ADAMTSL5: variants seen among roughly 807,000 people sequenced by gnomAD.
ADAMTSL5 encodes ADAMTS like 5.
Under a neutral mutation model 51.7 loss-of-function variants are expected in ADAMTSL5, and 53 were observed. That is an observed-to-expected ratio of 1.03 (90% CI 0.82 to 1.29). The LOEUF (loss-of-function observed/expected upper bound fraction) is 1.29. ADAMTSL5 is among the 50% of genes most tolerant of loss of function. The pLI, the probability that ADAMTSL5 is intolerant of heterozygous loss-of-function variation, is 0.00. For synonymous variants in ADAMTSL5, 285 were observed against 278.7 expected, an observed-to-expected ratio of 1.02 and a Z score of -0.23; for missense variants, 770 against 676.2, an observed-to-expected ratio of 1.14 and a Z score of -1.54.
chr19:1,505,689 C>T lies in ADAMTSL5; in HGVS notation c.*326G>A, dbSNP rs559372904. The T allele has an allele frequency of 2.2e-5, 6 of 270,306 alleles. No individual in the cohort carries two copies. The highest frequency in any genetic ancestry group is 4.2e-5 in the Non-Finnish European group (6 of 141,722). The allele number at this position is 270,306 out of a possible 1,614,324, so 16.7% of individuals were successfully genotyped here. ...GCTCGTTCATGACAGTGTCTCCAAG[C>T]AAGTGTGACGCGCGCAAAGAGAAAG... is the stretch of plus-strand genomic sequence containing the variant. On this transcript the variant is annotated 3_prime_UTR_variant, in exon 12 of 12. Transcript: ENST00000330475.
In ADAMTSL5 at chr19:1,508,487, A is replaced by G; in HGVS notation, c.445T>C (p.Cys149Arg). 2 of 1,586,228 alleles carry G rather than the reference A, an allele frequency of 1.3e-6. No homozygotes were observed. Among genetic ancestry groups the G allele is most frequent in the Non-Finnish European group, 1.7e-6 (2 of 1,172,968 alleles). ...SFGRVLDGTA[C>R]SPGAQGVCVA... ...CAGACCCCCTGGGCACCCGGGCTGCAGGCGGTGCCGTCCAGGACGCGGCCG... is the reference window on the plus strand; with the variant it reads ...CAGACCCCCTGGGCACCCGGGCTGCGGGCGGTGCCGTCCAGGACGCGGCCG... Residue 149 changes from cysteine to arginine, a missense_variant, in exon 6 of 12, where the codon TGC becomes CGC. Coordinates refer to ENST00000330475, the MANE Select transcript of ADAMTSL5 (RefSeq NM_213604.3).
chr19:1,507,527 G>A (rs755579170), intron 8 of ADAMTSL5, 30 bp downstream of exon 8: 6 of 1,611,992 alleles, frequency 3.7e-6, no homozygotes, highest in African/African-American at 1.3e-5. Flanking sequence ...GTGCCCAGCC[G>A]GGTGCCTCTC....
intron 2 of ADAMTSL5, 51 bp from the exon 3 acceptor site, chr19:1,510,781 C>T (rs747619380): frequency 6.6e-7 from 1 of 1,523,442 alleles, no homozygotes; most frequent in East Asian, 2.5e-5. Context: ...ACGCTGGTGA[C>T]CCCACACTGC....
intron 6 of ADAMTSL5, 157 bp downstream of exon 6, chr19:1,508,286 G>C (rs913719196): frequency 4.9e-6 from 6 of 1,226,382 alleles, no homozygotes; most frequent in African/African-American, 1.5e-5. Context: ...GGGTGCCTAA[G>C]GGGGGCTGGG....
rs1913018873 is a variant in ADAMTSL5 at position 1,507,646 on chromosome 19, G to C, written c.602-3C>G. ...GTTCCAGTACCCAGCGAAGGCACCT[G>C]GGTGGGAGGGTAGGAGGGTGTTGGG... On this transcript the variant is annotated splice_region_variant and splice_polypyrimidine_tract_variant and intron_variant, in intron 7 of 11. Coordinates refer to ENST00000330475, the MANE Select transcript of ADAMTSL5 (RefSeq NM_213604.3). 1 of 1,613,382 alleles carries C rather than the reference G, an allele frequency of 6.2e-7. No individual in the cohort carries two copies. The highest frequency in any genetic ancestry group is 8.5e-7 in the Non-Finnish European group (1 of 1,179,858).
In ADAMTSL5 at chr19:1,506,068, T is replaced by C; in HGVS notation, c.1363A>G (p.Ser455Gly). The part of the protein sequence containing the change: ...LPHAGYARPW[S>G]PAEDSRIRLT... Reference sequence around the variant, plus strand: ...CGTATGCGGCTGTCCTCCGCAGGGCTCCAGGGCCGGGCGTAGCCGGCGTGG... The same window carrying C: ...CGTATGCGGCTGTCCTCCGCAGGGCCCCAGGGCCGGGCGTAGCCGGCGTGG... The change falls in exon 12 of 12, where the codon AGC (serine) becomes GGC (glycine). Residue 455 changes from serine to glycine, a missense_variant. Coordinates refer to ENST00000330475, the MANE Select transcript of ADAMTSL5 (RefSeq NM_213604.3). The surrounding 1 kb of genome is among the most constrained non-coding windows in gnomAD (Gnocchi z 5.6). The C allele has an allele frequency of 1.3e-6, 2 of 1,596,228 alleles. No homozygotes were observed. Among genetic ancestry groups the C allele is most frequent in the Non-Finnish European group, 1.7e-6 (2 of 1,175,644 alleles).
At chr19:1,508,623 C>T in intron 5 of ADAMTSL5, 53 bp from the exon 6 acceptor site, 9 of 1,455,590 alleles carry the variant, frequency 6.2e-6, no homozygotes, top group South Asian at 1.4e-5. Flanking sequence ...GCTCCAGTCC[C>T]CCTCTACCAA....
chr19:1,512,102 A>C (rs1297158277), intron 1 of ADAMTSL5, among the ~76,000 whole-genome samples: 1 of 152,184 alleles, frequency 6.6e-6, no homozygotes, highest in African/African-American at 2.4e-5. Context: ...AGAGGGGGGA[A>C]GGGAAGCAGC....
Position 1,506,822 on chromosome 19 carries a change from C to T in ADAMTSL5, c.959G>A (p.Arg320Lys). ...ARVQALGWPL[R>K]QPQPRGVEPQ... is the part of the protein sequence containing the mutation. Reference sequence around the variant, plus strand: ...CTCCACCCCCCGGGGCTGAGGCTGCCTCAGGGGCCAGCCCAGGGCCTGCAC... The same window carrying T: ...CTCCACCCCCCGGGGCTGAGGCTGCTTCAGGGGCCAGCCCAGGGCCTGCAC... Residue 320 changes from arginine to lysine, a missense_variant, in exon 10 of 12, where the codon AGG (arginine) becomes AAG (lysine). Arg to Lys is a conservative substitution (Grantham distance 26). Transcript: ENST00000330475. The surrounding 1 kb of genome is among the most constrained non-coding windows in gnomAD (Gnocchi z 5.6). 6.5e-7 allele frequency: 1 copy of T among 1,541,136 alleles called. No individual in the cohort carries two copies. Among genetic ancestry groups the T allele is most frequent in the Non-Finnish European group, 8.7e-7 (1 of 1,144,106 alleles).
intron 7 of ADAMTSL5, 103 bp downstream of exon 7, chr19:1,507,895 G>A (rs1433328306): frequency 3.9e-6 from 5 of 1,280,718 alleles, no homozygotes; most frequent in Non-Finnish European, 4.3e-6. Flanking sequence ...AAGGGGGGCT[G>A]GGCCGCACAC....
chr19:1,511,101 C>T lies in ADAMTSL5; in HGVS notation c.-158G>A. 2.1e-6 allele frequency: 1 copy of T among 480,364 alleles called. No individual in the cohort carries two copies. Among genetic ancestry groups the T allele is most frequent in the Middle Eastern group, 5.5e-4 (1 of 1,812 alleles). The allele number at this position is 480,364 out of a possible 1,614,324, so 29.8% of individuals were successfully genotyped here. A position where few individuals can be genotyped will look rare whatever the true frequency, so the allele number is the denominator to read the frequency against. ...AGGAAAGTTGAGGGGTCCTGTGGAT[C>T]AGGTAAAGAAGACAGGAGACGTGGA... On this transcript the variant is annotated 5_prime_UTR_variant, in exon 2 of 12. Transcript: ENST00000330475.
At chr19:1,507,520 C>T (rs1193548109) in intron 8 of ADAMTSL5, 37 bp downstream of exon 8, 1 of 1,608,492 alleles carries the variant, frequency 6.2e-7, no homozygotes, top group Non-Finnish European at 8.5e-7. Flanking sequence ...CCCCCGGGTG[C>T]CCAGCCGGGT....
At chr19:1,512,100 G>A (rs927221483) in intron 1 of ADAMTSL5, among the ~76,000 whole-genome samples, 2 of 152,158 alleles carry the variant, frequency 1.3e-5, no homozygotes, top group African/African-American at 2.4e-5. Flanking sequence ...AAAGAGGGGG[G>A]AAGGGAAGCA....
chr19:1,510,208 G>T lies in ADAMTSL5; in HGVS notation c.303C>A (p.Tyr101Ter), dbSNP rs762095641. Reference protein sequence around the residue: ...VPFRDLQCALYNGRPVLGTQK... With the variant: ...VPFRDLQCAL ...GGGTGCCCAGGACAGGGCGGCCATT[G>T]TACAGGGCACACTGTAGGTCTCGGA... Residue 101 changes from tyrosine to a stop codon, truncating the protein, a stop_gained, in exon 5 of 12, where the codon TAC becomes TAA. Transcript: ENST00000330475. LOFTEE classifies it high-confidence loss of function. 11 of 1,613,316 alleles carry T rather than the reference G, an allele frequency of 6.8e-6. 1 individual carries two copies. The highest frequency in any genetic ancestry group is 1.6e-4 in the Middle Eastern group (1 of 6,062).
Position 1,506,361 on chromosome 19 carries a change from C to T in ADAMTSL5, c.1115-45G>A, listed in dbSNP as rs370640953. ...AGCTGGCTGGCTGCTCAACTCTGCG[C>T]AAATCTCTACGCCCCCTCCCTTGCC... On this transcript the variant is annotated intron_variant, in intron 11 of 11. Transcript: ENST00000330475. The surrounding 1 kb of genome is among the most constrained non-coding windows in gnomAD (Gnocchi z 5.6). The T allele has an allele frequency of 7.2e-6, 11 of 1,534,026 alleles. No individual in the cohort carries two copies. In the African/African-American group the frequency reaches 1.5e-4, roughly 21 times the overall value.
In ADAMTSL5 at chr19:1,512,559, A is replaced by G. The variant is rs142400961; in HGVS notation, c.-218+404T>C. ...GCCCGGTGTGGTGGTGCACACCTGT[A>G]ATCCCAGCTACTTGGGAGGCTAAGG... On this transcript the variant is annotated intron_variant, in intron 1 of 11. Coordinates refer to ENST00000330475, the MANE Select transcript of ADAMTSL5 (RefSeq NM_213604.3). Among the ~76,000 whole-genome samples, 723 of 152,320 alleles carry G rather than the reference A, an allele frequency of 4.7e-3. 5 individuals are homozygous for G. The highest frequency in any genetic ancestry group is 6.4e-3 in the Non-Finnish European group (437 of 68,028).
In ADAMTSL5 at chr19:1,510,218, C is replaced by A. The variant is rs940596921; in HGVS notation, c.293G>T (p.Cys98Phe). 1 of 1,613,262 alleles carries A rather than the reference C, an allele frequency of 6.2e-7. No homozygotes were observed. The highest frequency in any genetic ancestry group is 1.3e-5 in the African/African-American group (1 of 74,918). Residue 98 changes from cysteine (C) to phenylalanine (F), a missense_variant, in exon 5 of 12, where the codon TGT becomes TTT. By Grantham distance (205) the Cys-to-Phe change is radical. Transcript: ENST00000330475. ...GACAGGGCGGCCATTGTACAGGGCA[C>A]ACTGTAGGTCTCGGAAGGGCACAGC... Reference protein sequence around the residue: ...PGAVPFRDLQCALYNGRPVLG... With the variant: ...PGAVPFRDLQFALYNGRPVLG...
chr19:1,512,456 G>A (rs1415960989), intron 1 of ADAMTSL5, among the ~76,000 whole-genome samples: 1 of 152,130 alleles, frequency 6.6e-6, no homozygotes, highest in Non-Finnish European at 1.5e-5. Flanking sequence ...CAAGACAGGC[G>A]GATCACCTGA....
intron 5 of ADAMTSL5, among the ~76,000 whole-genome samples, chr19:1,509,638 G>GAGGA (rs1913149580): frequency 8.0e-6 from 1 of 125,436 alleles, no homozygotes; most frequent in Non-Finnish European, 1.7e-5. Flanking sequence ...GGGAGGGAGG[G>GAGGA]AGGGAGGGAG....
Sources: allele counts gnomAD v4.1 joint callset (sites outside exome capture counted in the v4.1 genomes callset), GRCh38; gene constraint gnomAD v4.1.1; non-coding constraint Gnocchi (gnomAD v3.1); transcripts MANE v1.5; gene names NCBI Gene and HGNC (gene_info 2026-07-23, HGNC 2026-07-21).